The following TMEM163 variants were observed in gnomAD, a reference collection of about 807,000 sequenced individuals.
TMEM163 encodes transmembrane protein 163.
A neutral mutation model predicts 29.3 loss-of-function variants in TMEM163; 17 were observed. The observed-to-expected ratio is 0.58, with a 90% CI of 0.40 to 0.87. TMEM163 has a LOEUF of 0.87. Ranked by LOEUF, TMEM163 falls within the 40% of genes least tolerant of loss-of-function variation. The pLI is 0.00. For synonymous variants in TMEM163, 157 were observed against 160.6 expected (o/e 0.98, Z 0.17); for missense variants, 303 against 381.5 (o/e 0.79, Z 1.71).
intron 2 of TMEM163, among the ~76,000 whole-genome samples, chr2:134,655,042 CGAG>C (rs1293220918): frequency 9.2e-6 from 1 of 108,634 alleles, no homozygotes; most frequent in Non-Finnish European, 1.7e-5. Flanking sequence ...TTGCTCTTCT[CGAG>C]GAGTATCTTT....
chr2:134,710,945 G>A (rs1333900412), intron 2 of TMEM163, among the ~76,000 whole-genome samples: 1 of 152,200 alleles, frequency 6.6e-6, no homozygotes, highest in Non-Finnish European at 1.5e-5. Context: ...GGTTTGGACA[G>A]AGATGCAGGA....
chr2:134,615,253 G>A (rs539290123), intron 2 of TMEM163, among the ~76,000 whole-genome samples: 1 of 152,302 alleles, frequency 6.6e-6, no homozygotes, highest in African/African-American at 2.4e-5. Flanking sequence ...CCCTATCAGA[G>A]CAACATGAAT....
chr2:134,633,997 AT>A (rs1558971815), intron 2 of TMEM163, among the ~76,000 whole-genome samples: 425 of 35,484 alleles, frequency 0.012, 28 homozygotes, highest in African/African-American at 0.026. Flanking sequence ...ATATATATAT[AT>A]ATATATATAT....
chr2:134,516,677 A>T (rs1036702601), intron 4 of TMEM163, among the ~76,000 whole-genome samples: 1 of 137,804 alleles, frequency 7.3e-6, no homozygotes, highest in Non-Finnish European at 1.6e-5. Context: ...ATATAGTCAT[A>T]CATATATGCA....
At chr2:134,701,685 G>A (rs4553872) in intron 2 of TMEM163, among the ~76,000 whole-genome samples, 28,480 of 151,972 alleles carry the variant, frequency 0.19, 3,387 homozygotes, top group East Asian at 0.59. Flanking sequence ...TGAGGTGGGC[G>A]GATTACTTGA....
intron 2 of TMEM163, among the ~76,000 whole-genome samples, chr2:134,637,571 C>T (rs1050064834): frequency 2.6e-5 from 4 of 152,158 alleles, no homozygotes; most frequent in Non-Finnish European, 5.9e-5. Context: ...CAACAATATC[C>T]GATGCAGGCT....
chr2:134,542,929 T>C (rs1011213019), intron 4 of TMEM163, among the ~76,000 whole-genome samples: 1 of 152,216 alleles, frequency 6.6e-6, no homozygotes, highest in Non-Finnish European at 1.5e-5. Flanking sequence ...CTACTCCCCA[T>C]GTCTGATTGT....
At chr2:134,713,765 G>A (rs1387181415) in intron 1 of TMEM163, among the ~76,000 whole-genome samples, 2 of 152,200 alleles carry the variant, frequency 1.3e-5, no homozygotes, top group Non-Finnish European at 2.9e-5. Flanking sequence ...CACCAGCACA[G>A]TCCCAACTGG....
chr2:134,568,420 G>T (rs1681343542), intron 2 of TMEM163, among the ~76,000 whole-genome samples: 1 of 152,010 alleles, frequency 6.6e-6, no homozygotes, highest in Non-Finnish European at 1.5e-5. Context: ...CCAGCTACTT[G>T]GGAGGCTGAG....
At chr2:134,646,168 T>A in intron 2 of TMEM163, among the ~76,000 whole-genome samples, 1 of 150,984 alleles carries the variant, frequency 6.6e-6, no homozygotes, top group South Asian at 2.1e-4. Flanking sequence ...TACTGCAACC[T>A]CCACCTCCCA....
intron 6 of TMEM163, among the ~76,000 whole-genome samples, chr2:134,462,164 C>CTG (rs527773357): frequency 9.1e-6 from 1 of 109,542 alleles, no homozygotes; most frequent in Non-Finnish European, 1.6e-5. Context: ...TGCTCTCTGT[C>CTG]TCTCTCTCTC....
At chr2:134,661,799 G>A (rs765550556) in intron 2 of TMEM163, among the ~76,000 whole-genome samples, 2 of 152,036 alleles carry the variant, frequency 1.3e-5, no homozygotes, top group African/African-American at 2.4e-5. Context: ...AAAGGCCCTA[G>A]TTCTGCATAT....
chr2:134,651,324 T>G (rs144775709), intron 2 of TMEM163, among the ~76,000 whole-genome samples: 2,793 of 141,864 alleles, frequency 0.02, 273 homozygotes, highest in Middle Eastern at 0.048. Context: ...ATGTGTTTCT[T>G]GGCTGCATAA....
intron 2 of TMEM163, among the ~76,000 whole-genome samples, chr2:134,554,023 G>A (rs1196554400): frequency 6.6e-6 from 1 of 152,166 alleles, no homozygotes; most frequent in Non-Finnish European, 1.5e-5. Flanking sequence ...TTTACAACCT[G>A]TTTTTAGAAT....
At chr2:134,586,583 T>C (rs1255488314) in intron 2 of TMEM163, among the ~76,000 whole-genome samples, 1 of 152,192 alleles carries the variant, frequency 6.6e-6, no homozygotes, top group Non-Finnish European at 1.5e-5. Context: ...TCTGCAACAA[T>C]CTTATTTCCA....
intron 2 of TMEM163, among the ~76,000 whole-genome samples, chr2:134,598,920 CA>C (rs796382637): frequency 0.015 from 982 of 65,890 alleles, 9 homozygotes; most frequent in African/African-American, 0.033. Context: ...GACTCTATCT[CA>C]AAAAAAAAAA....
chr2:134,648,442 C>T (rs1683389956), intron 2 of TMEM163, among the ~76,000 whole-genome samples: 1 of 151,950 alleles, frequency 6.6e-6, no homozygotes, highest in Non-Finnish European at 1.5e-5. Context: ...AGCGGGAAAA[C>T]AGGAATGCAT....
intron 2 of TMEM163, among the ~76,000 whole-genome samples, chr2:134,588,843 G>A (rs548007591): frequency 1.3e-5 from 2 of 152,016 alleles, no homozygotes; most frequent in East Asian, 1.9e-4. Flanking sequence ...CAGGCAAAAC[G>A]TTGGGGGGGG....
chr2:134,568,973 C>T (rs977495354), intron 2 of TMEM163, among the ~76,000 whole-genome samples: 2 of 152,210 alleles, frequency 1.3e-5, no homozygotes, highest in African/African-American at 4.8e-5. Context: ...CATGAAATCA[C>T]TATGCCAAAG....
Sources: gnomAD v4.1 joint callset for allele counts (sites outside exome capture counted in the v4.1 genomes callset) on GRCh38, gnomAD v4.1.1 for gene constraint, MANE v1.5 for transcripts, NCBI Gene and HGNC (gene_info 2026-07-23, HGNC 2026-07-21) for gene names.